The following MYO6 variants were observed in gnomAD, a reference collection of about 807,000 sequenced individuals.
MYO6 encodes the protein myosin VI.
A neutral mutation model predicts 178.7 loss-of-function variants in MYO6; 74 were observed. The ratio of observed to expected loss-of-function variants is 0.41; its 90% confidence interval spans 0.34 to 0.50. The LOEUF (loss-of-function observed/expected upper bound fraction) is 0.50, where lower values mean the gene tolerates loss of function less well. Among genes scored for constraint, MYO6 ranks in the 20% least tolerant of loss-of-function variants. MYO6 has a pLI of 0.09. For missense variants in MYO6, 1,330 were observed against 1,547.4 expected (o/e 0.86, Z 2.36); for synonymous variants, 477 against 504.6 (o/e 0.95, Z 0.73).
intron 10 of MYO6, among the ~76,000 whole-genome samples, chr6:75,847,820 A>G (rs920275398): frequency 6.6e-6 from 1 of 152,184 alleles, no homozygotes; most frequent in African/African-American, 2.4e-5. Context: ...TGTCACATTT[A>G]AATTTTTTAT....
intron 9 of MYO6, among the ~76,000 whole-genome samples, chr6:75,843,059 C>T (rs12207159): frequency 0.032 from 4,933 of 152,230 alleles, 144 homozygotes; most frequent in Non-Finnish European, 0.045. Flanking sequence ...GAATATTCCT[C>T]TCATATGCAG....
chr6:75,782,780 TTC>T (rs1205930701), intron 1 of MYO6, among the ~76,000 whole-genome samples: 3 of 152,178 alleles, frequency 2.0e-5, no homozygotes, highest in South Asian at 2.1e-4. Context: ...TGAAAACAAA[TTC>T]TCTCTGTCTG....
At position 75,917,494 on chromosome 6, in the gene MYO6, A is replaced by T. The variant is rs1318331055; in HGVS notation, c.*2482A>T. 1 of 152,286 alleles carries T rather than the reference A, an allele frequency of 6.6e-6. No homozygotes were observed. Among genetic ancestry groups the T allele is most frequent in the African/African-American group, 2.4e-5 (1 of 41,456 alleles). The allele number at this position is 152,286 out of a possible 1,614,324, so 9.4% of individuals were successfully genotyped here. A position where few individuals can be genotyped will look rare whatever the true frequency, so the allele number is the denominator to read the frequency against. On this transcript the variant is annotated 3_prime_UTR_variant, in exon 35 of 35. Coordinates refer to ENST00000369977, the MANE Select transcript of MYO6 (RefSeq NM_004999.4). Reference sequence around the variant, plus strand: ...TGAGAAAAGGAAGTTACTCTAATCCACGTATGTTAAGAGAATATTGAGTTT... The same window carrying T: ...TGAGAAAAGGAAGTTACTCTAATCCTCGTATGTTAAGAGAATATTGAGTTT...
At chr6:75,782,359 T>C (rs1767068448) in intron 1 of MYO6, among the ~76,000 whole-genome samples, 1 of 152,180 alleles carries the variant, frequency 6.6e-6, no homozygotes, top group South Asian at 2.1e-4. Context: ...TCTCTTACCC[T>C]TATTATATTC....
intron 1 of MYO6, among the ~76,000 whole-genome samples, chr6:75,788,665 G>T (rs12660493): frequency 0.032 from 4,895 of 152,236 alleles, 165 homozygotes; most frequent in East Asian, 0.15. Flanking sequence ...CTTGAACTCT[G>T]GACCTCAAGT....
At chr6:75,864,153 G>T (rs1776452335) in intron 16 of MYO6, among the ~76,000 whole-genome samples, 1 of 152,150 alleles carries the variant, frequency 6.6e-6, no homozygotes, top group Non-Finnish European at 1.5e-5. Context: ...GAACTAATAG[G>T]CAAAATTGCC....
chr6:75,881,791 C>A lies in MYO6; in HGVS notation c.2389C>A (p.Gln797Lys). 1 of 1,613,856 alleles carries A rather than the reference C, an allele frequency of 6.2e-7. No homozygotes were observed. The highest frequency in any genetic ancestry group is 1.1e-5 in the South Asian group (1 of 91,048). Residue 797 changes from glutamine (Q) to lysine (K), a missense_variant, in exon 23 of 35, where the codon CAG becomes AAG. Transcript: ENST00000369977. ...CACATGCAGTCGCTGGAAGAAAGTT[C>A]AGTGGTGCTCACTCTCAGTCATCAA... ...WLTCSRWKKVQWCSLSVIKLK... is the reference protein window; with the variant it reads ...WLTCSRWKKVKWCSLSVIKLK...
In MYO6 at chr6:75,870,966, G is replaced by T. The variant is rs79891226; in HGVS notation, c.1983+281G>T. On this transcript the variant is annotated intron_variant, in intron 19 of 34. Coordinates refer to ENST00000369977, the MANE Select transcript of MYO6 (RefSeq NM_004999.4). ...TGGTAATAGTGGAGAATTTTTCTTA[G>T]GATTAAAGATTAGTTATGAAATTCA... Among the ~76,000 whole-genome samples the T allele has an allele frequency of 8.7e-4, 132 of 152,128 alleles. 3 individuals carry two copies. The East Asian group carries it at 0.024, about 28-fold the overall frequency.
chr6:75,903,450 T>C (rs1779991300), intron 30 of MYO6, among the ~76,000 whole-genome samples: 1 of 151,238 alleles, frequency 6.6e-6, no homozygotes, highest in Non-Finnish European at 1.5e-5. Flanking sequence ...TTAGCTCTTC[T>C]TTTTGAATTG....
chr6:75,844,745 A>G (rs1298150853), intron 9 of MYO6, 152 bp from the exon 10 acceptor site: 7 of 569,886 alleles, frequency 1.2e-5, no homozygotes, highest in South Asian at 2.7e-5. Context: ...TATAAAATAT[A>G]GAAGTATTGA....
intron 1 of MYO6, 83 bp from the exon 2 acceptor site, chr6:75,817,418 T>G: frequency 1.3e-6 from 1 of 794,570 alleles, no homozygotes; most frequent in Non-Finnish European, 2.2e-6. Flanking sequence ...GACTTACATG[T>G]GAACTTTTGA....
chr6:75,801,073 A>G (rs1014284653), intron 1 of MYO6, among the ~76,000 whole-genome samples: 6 of 152,146 alleles, frequency 3.9e-5, no homozygotes, highest in South Asian at 2.1e-4. Context: ...GATTAGCCAT[A>G]TGGATAATGT....
At position 75,886,980 on chromosome 6, in the gene MYO6, A is replaced by G. The variant is rs754996510; in HGVS notation, c.2644A>G (p.Met882Val). Residue 882 changes from methionine (M) to valine (V), a missense_variant, in exon 25 of 35, where the codon ATG (methionine) becomes GTG (valine). Coordinates refer to ENST00000369977, the MANE Select transcript of MYO6 (RefSeq NM_004999.4). ...KNLEISIDTL[M>V]AKIKSTMMTQ... ...TCTGGAAATTTCTATTGATACTTTGATGGCCAAAATTAAGGTATGTAATTT... is the reference window on the plus strand; with the variant it reads ...TCTGGAAATTTCTATTGATACTTTGGTGGCCAAAATTAAGGTATGTAATTT... 3.1e-6 allele frequency: 5 copies of G among 1,613,502 alleles called. No individual in the cohort carries two copies. The South Asian group carries it at 4.4e-5, about 14-fold the overall frequency.
intron 1 of MYO6, among the ~76,000 whole-genome samples, chr6:75,804,203 A>C (rs1053449668): frequency 6.6e-6 from 1 of 152,232 alleles, no homozygotes; most frequent in Non-Finnish European, 1.5e-5. Flanking sequence ...GTTTTTGAGA[A>C]TGATTCAATT....
At chr6:75,820,890 C>G (rs1479240682) in intron 2 of MYO6, among the ~76,000 whole-genome samples, 1 of 152,106 alleles carries the variant, frequency 6.6e-6, no homozygotes, top group African/African-American at 2.4e-5. Flanking sequence ...CTCTCCCTCC[C>G]TACTAGACTA....
At chr6:75,757,125 G>A (rs949724677) in intron 1 of MYO6, among the ~76,000 whole-genome samples, 4 of 143,766 alleles carry the variant, frequency 2.8e-5, no homozygotes, top group African/African-American at 1.0e-4. Flanking sequence ...GTGTATATAT[G>A]TATATACAAG....
At chr6:75,909,423 T>A (rs1780592865) in intron 32 of MYO6, among the ~76,000 whole-genome samples, 1 of 152,212 alleles carries the variant, frequency 6.6e-6, no homozygotes, top group Non-Finnish European at 1.5e-5. Context: ...ACTGCAAATA[T>A]ATAAAAGTGA....
chr6:75,823,522 A>G (rs1283248097), intron 3 of MYO6, among the ~76,000 whole-genome samples: 1 of 152,236 alleles, frequency 6.6e-6, no homozygotes, highest in East Asian at 1.9e-4. Flanking sequence ...TTAACAAAAA[A>G]AGGTAGTGTT....
intron 11 of MYO6, among the ~76,000 whole-genome samples, chr6:75,851,816 G>C (rs994458997): frequency 1.3e-5 from 2 of 151,992 alleles, no homozygotes; most frequent in African/African-American, 4.8e-5. Flanking sequence ...ACTCCAGCTT[G>C]GGAGAGTGAG....
Sources: allele counts gnomAD v4.1 joint callset (sites outside exome capture counted in the v4.1 genomes callset), GRCh38; gene constraint gnomAD v4.1.1; transcripts MANE v1.5; gene names NCBI Gene and HGNC (gene_info 2026-07-23, HGNC 2026-07-21).